The following RAB11A variants were observed in gnomAD, a reference collection of about 807,000 sequenced individuals.
RAB11A encodes the protein ras-related protein Rab-11A.
A neutral mutation model predicts 28.0 loss-of-function variants in RAB11A; 9 were observed. The ratio of observed to expected loss-of-function variants is 0.32; its 90% CI spans 0.19 to 0.56. The LOEUF is 0.56. Among genes scored for constraint, RAB11A ranks in the 20% least tolerant of loss-of-function variants. RAB11A has a pLI of 0.91. For synonymous variants in RAB11A, 85 were observed against 88.2 expected, an observed-to-expected ratio of 0.96 and a Z score of 0.20; for missense variants, 108 against 269.6, an observed-to-expected ratio of 0.40 and a Z score of 4.20.
rs1265416382 is a variant in RAB11A, at chr15:65,869,552, T to G, written c.-34T>G. 1 of 1,607,374 alleles carries G rather than the reference T, an allele frequency of 6.2e-7. No individual in the cohort carries two copies. The highest frequency in any genetic ancestry group is 1.1e-5 in the South Asian group (1 of 90,886). On this transcript the variant is annotated 5_prime_UTR_variant, in exon 1 of 5. Transcript: ENST00000261890. Reference sequence around the variant, plus strand: ...CGCCCCCTGGTCCCACAGATACCACTGCTGCTCCCGCCCTTTCGCTCCTCG... The same window carrying G: ...CGCCCCCTGGTCCCACAGATACCACGGCTGCTCCCGCCCTTTCGCTCCTCG...
rs761734382 is a variant in RAB11A at position 65,887,876 on chromosome 15, T to A, written c.*36T>A. On this transcript the variant is annotated 3_prime_UTR_variant, in exon 5 of 5. Transcript: ENST00000261890. ...TTCTCCCCTAGAAGGCTGTGTATAG[T>A]CCATTTCCCAGGTCTGAGATTTAAA... 1 of 1,497,266 alleles carries A rather than the reference T, an allele frequency of 6.7e-7. No individual in the cohort carries two copies. The highest frequency in any genetic ancestry group is 2.5e-5 in the East Asian group (1 of 39,836). 92.7% of individuals were successfully genotyped at this position (1,497,266 alleles called of 1,614,324 possible).
intron 4 of RAB11A, among the ~76,000 whole-genome samples, chr15:65,886,618 C>G (rs1489793770): frequency 6.6e-6 from 1 of 152,144 alleles, no homozygotes. Context: ...ACTTTATAAT[C>G]TAGTCACAGG....
At chr15:65,874,087 A>G (rs571483359) in intron 1 of RAB11A, among the ~76,000 whole-genome samples, 70 of 152,368 alleles carry the variant, frequency 4.6e-4, no homozygotes, top group African/African-American at 1.7e-3. Context: ...GAGAAAGTAT[A>G]AAACTAAATG....
At chr15:65,878,990 CTTTTT>C (rs35545905) in intron 3 of RAB11A, among the ~76,000 whole-genome samples, 2 of 128,552 alleles carry the variant, frequency 1.6e-5, no homozygotes, top group African/African-American at 2.9e-5. Flanking sequence ...CAATTTCTCA[CTTTTT>C]TTTTTTTTTT....
rs1054774828 is a variant in RAB11A, at chr15:65,887,739, A to G, written c.550A>G (p.Arg184Gly). 5.6e-6 allele frequency: 9 copies of G among 1,613,480 alleles called. No homozygotes were observed. The highest frequency in any genetic ancestry group is 1.3e-5 in the African/African-American group (1 of 74,882). Residue 184 changes from arginine to glycine, a missense_variant, in exon 5 of 5, where the codon AGA becomes GGA. Transcript: ENST00000261890. ...RIVSQKQMSDRRENDMSPSNN... is the reference protein window; with the variant it reads ...RIVSQKQMSDGRENDMSPSNN... The stretch of plus-strand genomic sequence containing the variant: ...TGTTTCTCAGAAGCAAATGTCAGAC[A>G]GACGCGAAAATGACATGTCTCCAAG...
At chr15:65,873,078 T>G (rs949027916) in intron 1 of RAB11A, among the ~76,000 whole-genome samples, 3 of 152,270 alleles carry the variant, frequency 2.0e-5, no homozygotes, top group African/African-American at 4.8e-5. Context: ...ACAATTATTC[T>G]AAATTATGTG....
At chr15:65,879,596 C>T in intron 3 of RAB11A, 75 bp from the exon 4 acceptor site, 5 of 1,137,424 alleles carry the variant, frequency 4.4e-6, no homozygotes, top group Non-Finnish European at 5.1e-6. Context: ...TGTTATTTTT[C>T]CTTTTGAGGG....
At chr15:65,879,510 T>C (rs1054776353) in intron 3 of RAB11A, among the ~76,000 whole-genome samples, 161 bp from the exon 4 acceptor site, 10 of 152,102 alleles carry the variant, frequency 6.6e-5, no homozygotes, top group African/African-American at 2.2e-4. Flanking sequence ...ATAAAGTAAG[T>C]AAATAAATAA....
chr15:65,885,278 C>G (rs1475039265), intron 4 of RAB11A, among the ~76,000 whole-genome samples: 3 of 151,626 alleles, frequency 2.0e-5, no homozygotes, highest in Non-Finnish European at 2.9e-5. Flanking sequence ...GGGTGCCACC[C>G]CACCTGGCTA....
chr15:65,889,732 A>T lies in RAB11A; in HGVS notation c.*1892A>T, dbSNP rs1236349270. ...CTCTATTTTATTGAAAGTTGGTGGTAGATTTTTTACAAAGTAAGGAGAAAA... is the reference window on the plus strand; with the variant it reads ...CTCTATTTTATTGAAAGTTGGTGGTTGATTTTTTACAAAGTAAGGAGAAAA... On this transcript the variant is annotated 3_prime_UTR_variant, in exon 5 of 5. Transcript: ENST00000261890. 2 of 152,256 alleles carry T rather than the reference A, an allele frequency of 1.3e-5. No homozygotes were observed. Among genetic ancestry groups the T allele is most frequent in the Non-Finnish European group, 2.9e-5 (2 of 68,050 alleles). 9.4% of individuals were successfully genotyped at this position (152,256 alleles called of 1,614,324 possible). A position where few individuals can be genotyped will look rare whatever the true frequency, so the allele number is the denominator to read the frequency against.
Position 65,877,896 on chromosome 15 carries a change from A to G in RAB11A, c.371A>G (p.Asn124Ser). Residue 124 changes from asparagine to serine, a missense_variant, in exon 3 of 5, where the codon AAT becomes AGT. Around this residue, in one of 2 missense-constraint regions of RAB11A, gnomAD observed 85 missense variants for 145.9 expected, o/e 0.58. Transcript: ENST00000261890. This position sits in a 1 kb window ranked among gnomAD's most constrained non-coding sequence, Gnocchi z 4.1. ...DSNIVIMLVGNKSDLRHLRAV... is the reference protein window; with the variant it reads ...DSNIVIMLVGSKSDLRHLRAV... ...AACATTGTTATCATGCTTGTGGGCAATAAGAGTGATCTACGTCATCTCAGG... is the reference window on the plus strand; with the variant it reads ...AACATTGTTATCATGCTTGTGGGCAGTAAGAGTGATCTACGTCATCTCAGG... 1 of 1,614,062 alleles carries G rather than the reference A, an allele frequency of 6.2e-7. No homozygotes were observed.
At chr15:65,873,955 A>C (rs1042297602) in intron 1 of RAB11A, among the ~76,000 whole-genome samples, 9 of 152,198 alleles carry the variant, frequency 5.9e-5, no homozygotes, top group Middle Eastern at 6.8e-3. Context: ...AAAGAATAGA[A>C]ATGTCTCCAA....
At chr15:65,879,995 A>G (rs900783646) in intron 4 of RAB11A, among the ~76,000 whole-genome samples, 1 of 152,198 alleles carries the variant, frequency 6.6e-6, no homozygotes, top group Non-Finnish European at 1.5e-5. Context: ...CACTTCCATT[A>G]TTACTTCAGT....
At chr15:65,871,348 CTG>C (rs2078159945) in intron 1 of RAB11A, among the ~76,000 whole-genome samples, 1 of 152,134 alleles carries the variant, frequency 6.6e-6, no homozygotes, top group African/African-American at 2.4e-5. Context: ...AAATACAAAA[CTG>C]AGGCCTGGAT....
chr15:65,875,061 G>T (rs1293017834), intron 1 of RAB11A, among the ~76,000 whole-genome samples: 1 of 151,868 alleles, frequency 6.6e-6, no homozygotes, highest in Non-Finnish European at 1.5e-5. Flanking sequence ...AAGAAAGAAA[G>T]AAAGAAAGTG....
chr15:65,884,503 A>G lies in RAB11A; in HGVS notation c.512-3198A>G, dbSNP rs1019912117. 1.8e-4 allele frequency among the ~76,000 whole-genome samples: 28 copies of G among 152,336 alleles called. No homozygotes were observed. In the Middle Eastern group the frequency reaches 0.01, roughly 56 times the overall value. On this transcript the variant is annotated intron_variant, in intron 4 of 4. Coordinates refer to ENST00000261890, the MANE Select transcript of RAB11A (RefSeq NM_004663.5). The stretch of plus-strand genomic sequence containing the variant: ...ATATGTAAAACTGGAAGAGAGGGAA[A>G]GGCAGACTTCTCAAAGAACATAGAG...
At chr15:65,874,108 G>C (rs151172778) in intron 1 of RAB11A, among the ~76,000 whole-genome samples, 1 of 152,098 alleles carries the variant, frequency 6.6e-6, no homozygotes, top group African/African-American at 2.4e-5. Context: ...TGGTTGAAGA[G>C]GCAGAAATTT....
At chr15:65,887,439 A>G (rs184841629) in intron 4 of RAB11A, among the ~76,000 whole-genome samples, 1 of 152,292 alleles carries the variant, frequency 6.6e-6, no homozygotes, top group East Asian at 1.9e-4. Context: ...TACCTCTTTA[A>G]ACAAAGATTT....
intron 1 of RAB11A, among the ~76,000 whole-genome samples, chr15:65,872,375 TG>T (rs1466607228): frequency 6.6e-6 from 1 of 152,074 alleles, no homozygotes; most frequent in African/African-American, 2.4e-5. Flanking sequence ...GGTTTCATTT[TG>T]TTGTGCATTT....
Sources: allele counts gnomAD v4.1 joint callset (sites outside exome capture counted in the v4.1 genomes callset), GRCh38; gene constraint gnomAD v4.1.1; regional missense constraint gnomAD v4.1.1; non-coding constraint Gnocchi (gnomAD v3.1); transcripts MANE v1.5; gene names NCBI Gene and HGNC (gene_info 2026-07-23, HGNC 2026-07-21).